The following FCHO2 variants were observed in gnomAD, a reference collection of about 807,000 sequenced individuals.
FCHO2 encodes F-BAR domain only protein 2.
In FCHO2, 43 loss-of-function variants were observed where a neutral mutation model predicts 114.1. That is an observed-to-expected ratio of 0.38 (90% CI 0.30 to 0.49). The LOEUF (loss-of-function observed/expected upper bound fraction) is 0.49, where lower values mean the gene tolerates loss of function less well. Among genes scored for constraint, FCHO2 ranks in the 20% least tolerant of loss-of-function variants. The probability of loss-of-function intolerance (pLI) is 0.97; values close to 1 mark genes in which losing one functional copy is unlikely to be tolerated. For missense variants in FCHO2, 807 were observed against 950.4 expected, an observed-to-expected ratio of 0.85 and a Z score of 1.98; for synonymous variants, 293 against 315.2, an observed-to-expected ratio of 0.93 and a Z score of 0.75.
intron 1 of FCHO2, among the ~76,000 whole-genome samples, chr5:72,960,391 G>A (rs1751792316): frequency 6.6e-6 from 1 of 152,114 alleles, no homozygotes; most frequent in African/African-American, 2.4e-5. Flanking sequence ...TAGCACCATT[G>A]ATAATCAAGC....
At chr5:73,017,772 C>G (rs1755385150) in intron 8 of FCHO2, among the ~76,000 whole-genome samples, 1 of 152,076 alleles carries the variant, frequency 6.6e-6, no homozygotes, top group South Asian at 2.1e-4. Context: ...TTTATATATA[C>G]ATTTAACAAA....
At chr5:73,015,250 T>C (rs980857926) in intron 6 of FCHO2, among the ~76,000 whole-genome samples, 3 of 151,732 alleles carry the variant, frequency 2.0e-5, no homozygotes, top group Admixed American at 2.0e-4. Flanking sequence ...GAAAATTTGG[T>C]TATATTGAGT....
At chr5:73,064,519 C>A (rs1757979014) in intron 18 of FCHO2, among the ~76,000 whole-genome samples, 1 of 152,042 alleles carries the variant, frequency 6.6e-6, no homozygotes, top group Non-Finnish European at 1.5e-5. Flanking sequence ...GCTTCATCTT[C>A]TACACTAATT....
At chr5:72,972,086 C>T (rs1752588913) in intron 2 of FCHO2, among the ~76,000 whole-genome samples, 1 of 152,024 alleles carries the variant, frequency 6.6e-6, no homozygotes, top group Non-Finnish European at 1.5e-5. Context: ...CAGTACCATG[C>T]TGTTTTGGTT....
intron 8 of FCHO2, chr5:73,020,671 G>T: frequency 2.7e-6 from 3 of 1,105,884 alleles, no homozygotes; most frequent in Non-Finnish European, 4.2e-6. Flanking sequence ...ATACTAGACC[G>T]CAAGGAACAG....
intron 11 of FCHO2, among the ~76,000 whole-genome samples, chr5:73,045,518 T>C (rs921538349): frequency 1.3e-5 from 2 of 152,350 alleles, no homozygotes; most frequent in South Asian, 4.1e-4. Flanking sequence ...GACATTTTGG[T>C]TGTTTTTCAA....
At position 73,060,162 on chromosome 5, in the gene FCHO2, A is replaced by G. The variant is rs58251022; in HGVS notation, c.1345+1638A>G. 6.5e-4 allele frequency among the ~76,000 whole-genome samples: 99 copies of G among 152,082 alleles called. 1 individual carries two copies. Among genetic ancestry groups the G allele is most frequent in the African/African-American group, 2.4e-3 (98 of 41,532 alleles). ...GCTCATATCACCATCACTTCAGGTA[A>G]AAAATGGTTCGTTTTCATTTAGTGG... On this transcript the variant is annotated intron_variant, in intron 17 of 25. Transcript: ENST00000430046.
At position 73,077,474 on chromosome 5, in the gene FCHO2, A is replaced by G; in HGVS notation, c.1828A>G (p.Asn610Asp). Residue 610 changes from asparagine (N) to aspartate (D), a missense_variant, in exon 21 of 26, where the codon AAT becomes GAT. Coordinates refer to ENST00000430046, the MANE Select transcript of FCHO2 (RefSeq NM_138782.3). The part of the protein sequence containing the change: ...NISRLEQILP[N>D]AQLVFSDPSQ... ...CAGCAGACTAGAGCAGATTCTTCCA[A>G]ATGCACAGCTTGTGTTCAGGTTTGT... 6.2e-7 allele frequency: 1 copy of G among 1,600,920 alleles called. No homozygotes were observed. Among genetic ancestry groups the G allele is most frequent in the South Asian group, 1.1e-5 (1 of 88,358 alleles).
At chr5:73,071,899 G>A (rs1298848617) in intron 19 of FCHO2, among the ~76,000 whole-genome samples, 1 of 151,944 alleles carries the variant, frequency 6.6e-6, no homozygotes, top group Non-Finnish European at 1.5e-5. Context: ...GTCGTGTTAT[G>A]TGCCCAGATT....
chr5:73,063,877 T>G lies in FCHO2; in HGVS notation c.1382T>G (p.Val461Gly). The G allele has an allele frequency of 6.2e-7, 1 of 1,612,228 alleles. No individual in the cohort carries two copies. Among genetic ancestry groups the G allele is most frequent in the Non-Finnish European group, 8.5e-7 (1 of 1,178,942 alleles). ...PTTPLSVGTIVPPPRPASRPK... is the reference protein window; with the variant it reads ...PTTPLSVGTIGPPPRPASRPK... ...ACTCCTCTTTCTGTAGGCACCATTGTCCCACCTCCGAGGCCTGCTTCCAGA... is the reference window on the plus strand; with the variant it reads ...ACTCCTCTTTCTGTAGGCACCATTGGCCCACCTCCGAGGCCTGCTTCCAGA... The change falls in exon 18 of 26, where the codon GTC (valine) becomes GGC (glycine). Residue 461 changes from valine (V) to glycine (G), a missense_variant. Transcript: ENST00000430046.
At chr5:73,053,695 CAAA>C (rs370427186) in intron 13 of FCHO2, among the ~76,000 whole-genome samples, 4 of 98,096 alleles carry the variant, frequency 4.1e-5, no homozygotes, top group Admixed American at 1.2e-4. Flanking sequence ...GACTTCGTCT[CAAA>C]AAAAAAAAAA....
chr5:72,991,105 C>T (rs944224505), intron 5 of FCHO2, among the ~76,000 whole-genome samples: 4 of 152,160 alleles, frequency 2.6e-5, no homozygotes, highest in Non-Finnish European at 4.4e-5. Context: ...GCTCTTGTTG[C>T]CTAGGCTGGA....
intron 2 of FCHO2, among the ~76,000 whole-genome samples, chr5:72,981,742 ATTGATAC>A (rs1554063758): frequency 3.3e-5 from 5 of 152,048 alleles, no homozygotes; most frequent in Non-Finnish European, 7.4e-5. Context: ...CGATTTGGCT[ATTGATAC>A]TTGTGTATGC....
rs1438630590 is a variant in FCHO2, at chr5:73,089,161, C to T, written c.*1071C>T. ...ACCTTCAGATACTTGACATTAACCT[C>T]ATCAAAAGTGTGTGAATTTTAAAAC... On this transcript the variant is annotated 3_prime_UTR_variant, in exon 26 of 26. Coordinates refer to ENST00000430046, the MANE Select transcript of FCHO2 (RefSeq NM_138782.3). 6.6e-6 allele frequency: 1 copy of T among 152,500 alleles called. No individual in the cohort carries two copies. Among genetic ancestry groups the T allele is most frequent in the Non-Finnish European group, 1.5e-5 (1 of 67,980 alleles). The allele number at this position is 152,500 out of a possible 1,614,324, so 9.4% of individuals were successfully genotyped here.
intron 1 of FCHO2, among the ~76,000 whole-genome samples, chr5:72,962,590 A>G (rs1751930671): frequency 1.3e-5 from 2 of 152,174 alleles, no homozygotes; most frequent in Non-Finnish European, 2.9e-5. Flanking sequence ...TTAGTGTGGA[A>G]AAATTAAAGA....
intron 5 of FCHO2, among the ~76,000 whole-genome samples, chr5:72,996,698 G>A (rs1056624963): frequency 6.6e-6 from 1 of 152,150 alleles, no homozygotes; most frequent in Non-Finnish European, 1.5e-5. Flanking sequence ...GGCCCCCGCA[G>A]GCTGCCAACG....
chr5:72,974,898 G>T (rs1045561191), intron 2 of FCHO2, among the ~76,000 whole-genome samples: 1 of 152,106 alleles, frequency 6.6e-6, no homozygotes, highest in African/African-American at 2.4e-5. Context: ...GGGCAGGCCT[G>T]CTGGTGACAA....
intron 8 of FCHO2, among the ~76,000 whole-genome samples, chr5:73,027,323 T>TTA (rs1231003002): frequency 2.6e-5 from 4 of 151,838 alleles, no homozygotes; most frequent in African/African-American, 2.4e-5. Flanking sequence ...AGGTTTCCAT[T>TTA]TATATATATA....
chr5:72,967,075 C>T (rs551875042), intron 1 of FCHO2, among the ~76,000 whole-genome samples: 1 of 152,304 alleles, frequency 6.6e-6, no homozygotes, highest in African/African-American at 2.4e-5. Flanking sequence ...CGTTTGAGGC[C>T]AGGAGTTCGA....
Sources: allele counts gnomAD v4.1 joint callset (sites outside exome capture counted in the v4.1 genomes callset), GRCh38; gene constraint gnomAD v4.1.1; transcripts MANE v1.5; gene names NCBI Gene and HGNC (gene_info 2026-07-23, HGNC 2026-07-21).